LMO3: variants seen among roughly 807,000 people sequenced by gnomAD.
The protein encoded by LMO3 is LIM domain only 3, also known as LIM domain only protein 3.
LMO3 carries 2 observed loss-of-function variants against 15.8 expected under a neutral mutation model. The ratio of observed to expected loss-of-function variants is 0.13; its 90% CI spans 0.05 to 0.40. The LOEUF is 0.40. Ranked by LOEUF, LMO3 falls within the 10% of genes least tolerant of loss-of-function variation. The probability of loss-of-function intolerance (pLI) is 0.99; values close to 1 mark genes in which losing one functional copy is unlikely to be tolerated. For missense variants in LMO3, 86 were observed against 182.2 expected (o/e 0.47, Z 3.04); for synonymous variants, 62 against 63.8 (o/e 0.97, Z 0.13).
Position 16,605,436 on chromosome 12 carries a change from G to C in LMO3, c.-9+630C>G, listed in dbSNP as rs1445966742. On this transcript the variant is annotated intron_variant, in intron 1 of 3. Transcript: ENST00000537304. ...TAGCCACTTCTGCCCCTACCCGCCT[G>C]CCCCCCCCCCCCGCCCCCATGCCCA... 82 of 372,664 alleles carry C rather than the reference G, an allele frequency of 2.2e-4. 1 individual carries two copies. Among genetic ancestry groups the C allele is most frequent in the Admixed American group, 1.2e-3 (9 of 7,786 alleles). The allele number at this position is 372,664 out of a possible 1,614,324, so 23.1% of individuals were successfully genotyped here.
chr12:16,555,582 T>C lies in LMO3; in HGVS notation c.333-4255A>G, dbSNP rs1329413097. On this transcript the variant is annotated intron_variant, in intron 3 of 3. Transcript: ENST00000537304. This position sits in a 1 kb window ranked among gnomAD's most constrained non-coding sequence, Gnocchi z 5.5. Reference sequence around the variant, plus strand: ...TAACAAATGTATTTTAGATGACTAATTTAAATTTGTATTCATTTTGACTTT... The same window carrying C: ...TAACAAATGTATTTTAGATGACTAACTTAAATTTGTATTCATTTTGACTTT... Among the ~76,000 whole-genome samples, 1 of 152,248 alleles carries C rather than the reference T, an allele frequency of 6.6e-6. No individual in the cohort carries two copies. Among genetic ancestry groups the C allele is most frequent in the Non-Finnish European group, 1.5e-5 (1 of 68,040 alleles).
intron 2 of LMO3, chr12:16,600,185 A>G (rs1172299452): frequency 2.5e-5 from 4 of 158,230 alleles, no homozygotes; most frequent in African/African-American, 7.3e-5. Context: ...TCTTTTACAC[A>G]GTCCATTTTT....
rs1941891054 is a variant in LMO3 at position 16,549,060 on chromosome 12, A to G, written c.*2162T>C. On this transcript the variant is annotated 3_prime_UTR_variant, in exon 4 of 4. Transcript: ENST00000537304. ...AAAGCAAAACCAGTTAAACCTTAAA[A>G]GATCATCTGAATAAGATCCTGACAA... 6.6e-6 allele frequency: 1 copy of G among 152,188 alleles called. No homozygotes were observed. The allele number at this position is 152,188 out of a possible 1,614,324, so 9.4% of individuals were successfully genotyped here.
chr12:16,578,873 TAGA>T (rs1266215748), intron 2 of LMO3, among the ~76,000 whole-genome samples: 1 of 151,874 alleles, frequency 6.6e-6, no homozygotes, highest in African/African-American at 2.4e-5. Flanking sequence ...ATTAATTCAC[TAGA>T]AGAATATATT....
rs908862388 is a variant in LMO3 at position 16,576,051 on chromosome 12, C to T, written c.207-15513G>A. Among the ~76,000 whole-genome samples the T allele has an allele frequency of 1.3e-5, 2 of 152,170 alleles. No individual in the cohort carries two copies. Among genetic ancestry groups the T allele is most frequent in the African/African-American group, 4.8e-5 (2 of 41,456 alleles). ...GCTGTGTTAAAAGGGGATCTGTCCT[C>T]TTTTGTCTCAGTAAGCTACTTCTAG... On this transcript the variant is annotated intron_variant, in intron 2 of 3. Transcript: ENST00000537304. This position sits in a 1 kb window ranked among gnomAD's most constrained non-coding sequence, Gnocchi z 4.1.
At chr12:16,605,021 G>T in intron 1 of LMO3, 1 of 1,566,048 alleles carries the variant, frequency 6.4e-7, no homozygotes, top group South Asian at 1.2e-5. Context: ...GCCGAGGACC[G>T]ACTATTGTGA....
In LMO3 at chr12:16,604,845, A is replaced by G. The variant is rs764897342; in HGVS notation, c.-9+1221T>C. 4.4e-6 allele frequency: 7 copies of G among 1,598,254 alleles called. No individual in the cohort carries two copies. In the Admixed American group the frequency reaches 5.0e-5, roughly 11 times the overall value. ...TGCAGAGCGCCAGCAAAGTGCATCT[A>G]TGATAGACTGTAACCTTACCAAAAC... On this transcript the variant is annotated intron_variant, in intron 1 of 3. Transcript: ENST00000537304. The surrounding 1 kb of genome is among the most constrained non-coding windows in gnomAD (Gnocchi z 5.3).
At chr12:16,554,478 G>A (rs1298228470) in intron 3 of LMO3, among the ~76,000 whole-genome samples, 3 of 152,076 alleles carry the variant, frequency 2.0e-5, no homozygotes, top group African/African-American at 4.8e-5. Flanking sequence ...AGTCCGGGTT[G>A]TGTACTCATT....
chr12:16,577,183 A>C (rs968869165), intron 2 of LMO3, among the ~76,000 whole-genome samples: 1 of 152,184 alleles, frequency 6.6e-6, no homozygotes, highest in African/African-American at 2.4e-5. Context: ...TACTCTAAAG[A>C]GTTAACAAAC....
Position 16,604,855 on chromosome 12 carries a change from G to A in LMO3, c.-9+1211C>T, listed in dbSNP as rs1339494328. ...CAGCAAAGTGCATCTATGATAGACT[G>A]TAACCTTACCAAAACTTTTCTCCTT... On this transcript the variant is annotated intron_variant, in intron 1 of 3. Transcript: ENST00000537304. This position sits in a 1 kb window ranked among gnomAD's most constrained non-coding sequence, Gnocchi z 5.3. 3.4e-5 allele frequency: 54 copies of A among 1,598,292 alleles called. No homozygotes were observed. The highest frequency in any genetic ancestry group is 4.5e-5 in the Non-Finnish European group (53 of 1,179,780).
At chr12:16,558,752 A>G (rs751797024) in intron 3 of LMO3, among the ~76,000 whole-genome samples, 5 of 152,158 alleles carry the variant, frequency 3.3e-5, no homozygotes, top group South Asian at 4.1e-4. Context: ...AAGAAACACT[A>G]TTGTGATACA....
intron 1 of LMO3, among the ~76,000 whole-genome samples, chr12:16,601,451 A>G (rs1251295981): frequency 1.3e-5 from 2 of 152,180 alleles, no homozygotes; most frequent in East Asian, 3.9e-4. Context: ...GCTTGCATCC[A>G]AATACTTCTT....
At chr12:16,556,583 GT>G (rs1942198822) in intron 3 of LMO3, among the ~76,000 whole-genome samples, 1 of 152,188 alleles carries the variant, frequency 6.6e-6, no homozygotes, top group Non-Finnish European at 1.5e-5. Context: ...CGTCAATAAA[GT>G]TTGCTTAAGA....
rs764897342 is a variant in LMO3, at chr12:16,604,845, A to T, written c.-9+1221T>A. ...TGCAGAGCGCCAGCAAAGTGCATCT[A>T]TGATAGACTGTAACCTTACCAAAAC... is the stretch of plus-strand genomic sequence containing the variant. On this transcript the variant is annotated intron_variant, in intron 1 of 3. Coordinates refer to ENST00000537304, the MANE Select transcript of LMO3 (RefSeq NM_018640.5). The surrounding 1 kb of genome is among the most constrained non-coding windows in gnomAD (Gnocchi z 5.3). The T allele has an allele frequency of 5.6e-6, 9 of 1,598,252 alleles. No homozygotes were observed. The African/African-American group carries it at 1.2e-4, about 21-fold the overall frequency.
rs1943758044 is a variant in LMO3 at position 16,599,538 on chromosome 12, CATTG to C, written c.206+1113_206+1116del. The C allele has an allele frequency of 6.6e-6, 1 of 152,056 alleles. No individual in the cohort carries two copies. The highest frequency in any genetic ancestry group is 1.5e-5 in the Non-Finnish European group (1 of 68,022). The allele number at this position is 152,056 out of a possible 1,614,324, so 9.4% of individuals were successfully genotyped here. A position where few individuals can be genotyped will look rare whatever the true frequency, so the allele number is the denominator to read the frequency against. ...ATGACCAAGGTACTAAAGGAGTTAC[CATTG>C]ATTGATAAATTTTGTCATAAGGGAA... On this transcript the variant is annotated intron_variant, in intron 2 of 3. Transcript: ENST00000537304. The surrounding 1 kb of genome is among the most constrained non-coding windows in gnomAD (Gnocchi z 4.1).
chr12:16,584,434 T>C lies in LMO3; in HGVS notation c.206+16221A>G, dbSNP rs1326639116. ...GGAAAGGCATCTGGCCAAAAGATTG[T>C]GGACACAGCAAAAGTTATTGACAAG... On this transcript the variant is annotated intron_variant, in intron 2 of 3. Transcript: ENST00000537304. This position sits in a 1 kb window ranked among gnomAD's most constrained non-coding sequence, Gnocchi z 5.2. 2.6e-5 allele frequency among the ~76,000 whole-genome samples: 4 copies of C among 152,140 alleles called. No individual in the cohort carries two copies. The highest frequency in any genetic ancestry group is 5.9e-5 in the Non-Finnish European group (4 of 68,036).
rs1269558288 is a variant in LMO3 at position 16,549,041 on chromosome 12, A to G, written c.*2181T>C. On this transcript the variant is annotated 3_prime_UTR_variant, in exon 4 of 4. Coordinates refer to ENST00000537304, the MANE Select transcript of LMO3 (RefSeq NM_018640.5). ...TTTGACATATAGATAAACAAAAGCAAAACCAGTTAAACCTTAAAAGATCAT... is the reference window on the plus strand; with the variant it reads ...TTTGACATATAGATAAACAAAAGCAGAACCAGTTAAACCTTAAAAGATCAT... 1 of 152,134 alleles carries G rather than the reference A, an allele frequency of 6.6e-6. No homozygotes were observed. The highest frequency in any genetic ancestry group is 1.5e-5 in the Non-Finnish European group (1 of 68,002). 9.4% of individuals were successfully genotyped at this position (152,134 alleles called of 1,614,324 possible).
chr12:16,582,357 C>A lies in LMO3; in HGVS notation c.206+18298G>T, dbSNP rs1205796072. On this transcript the variant is annotated intron_variant, in intron 2 of 3. Coordinates refer to ENST00000537304, the MANE Select transcript of LMO3 (RefSeq NM_018640.5). The surrounding 1 kb of genome is among the most constrained non-coding windows in gnomAD (Gnocchi z 4.1). ...TTCCTATAGTATTATTCATTTTAGA[C>A]AGTGACAGACTATTTGCTAATATCT... Among the ~76,000 whole-genome samples the A allele has an allele frequency of 6.6e-6, 1 of 152,144 alleles. No individual in the cohort carries two copies. The highest frequency in any genetic ancestry group is 2.4e-5 in the African/African-American group (1 of 41,420).
intron 2 of LMO3, among the ~76,000 whole-genome samples, chr12:16,574,184 C>T (rs1942920472): frequency 6.6e-6 from 1 of 151,912 alleles, no homozygotes; most frequent in South Asian, 2.1e-4. Flanking sequence ...GACAGTAGGG[C>T]TAGAAATTTT....
Sources: allele counts gnomAD v4.1 joint callset (sites outside exome capture counted in the v4.1 genomes callset), GRCh38; gene constraint gnomAD v4.1.1; non-coding constraint Gnocchi (gnomAD v3.1); transcripts MANE v1.5; gene names NCBI Gene and HGNC (gene_info 2026-07-23, HGNC 2026-07-21).